The following DLGAP1 variants were observed in gnomAD, a reference collection of about 807,000 sequenced individuals.
The protein encoded by DLGAP1 is disks large-associated protein 1.
A neutral mutation model predicts 90.8 loss-of-function variants in DLGAP1; 11 were observed. The observed-to-expected ratio is 0.12, with a 90% CI of 0.08 to 0.20. The LOEUF (loss-of-function observed/expected upper bound fraction) is 0.20. Among genes scored for constraint, DLGAP1 ranks in the 10% least tolerant of loss-of-function variants. The probability of loss-of-function intolerance (pLI) is 1.00; values close to 1 mark genes in which losing one functional copy is unlikely to be tolerated. For missense variants in DLGAP1, 1,050 were observed against 1,333.8 expected (o/e 0.79, Z 3.31); for synonymous variants, 558 against 540.7 (o/e 1.03, Z -0.44).
At chr18:3,898,049 C>A (rs1321527097) in intron 3 of DLGAP1, among the ~76,000 whole-genome samples, 1 of 152,146 alleles carries the variant, frequency 6.6e-6, no homozygotes, top group East Asian at 1.9e-4. Flanking sequence ...CCGCCTTGGC[C>A]TCCCAAAGTG....
At chr18:3,878,292 G>A (rs906645390) in intron 4 of DLGAP1, 1 of 152,064 alleles carries the variant, frequency 6.6e-6, no homozygotes, top group Non-Finnish European at 1.5e-5. Flanking sequence ...CAGCAAGGAG[G>A]TAGGGAAGAA....
intron 4 of DLGAP1, among the ~76,000 whole-genome samples, chr18:3,815,384 T>G (rs1043797085): frequency 4.1e-5 from 3 of 72,386 alleles, no homozygotes; most frequent in Non-Finnish European, 8.5e-5. Flanking sequence ...ATTTTCTTGC[T>G]TTTATTTTTT....
intron 1 of DLGAP1, among the ~76,000 whole-genome samples, chr18:4,418,931 C>T (rs2082966658): frequency 6.6e-6 from 1 of 151,756 alleles, no homozygotes; most frequent in Non-Finnish European, 1.5e-5. Context: ...CCAGGTATAT[C>T]ATATTCAAAC....
chr18:3,912,902 G>A lies in DLGAP1; in HGVS notation c.-72-32762C>T, dbSNP rs569203140. Reference sequence around the variant, plus strand: ...TGGGTGTGGTGGGAAGCCAAGCTGGGGGAACTCTGTGTTTCCTGCTCCATC... The same window carrying A: ...TGGGTGTGGTGGGAAGCCAAGCTGGAGGAACTCTGTGTTTCCTGCTCCATC... On this transcript the variant is annotated intron_variant, in intron 3 of 12. Coordinates refer to ENST00000315677, the MANE Select transcript of DLGAP1 (RefSeq NM_004746.4). Among the ~76,000 whole-genome samples the A allele has an allele frequency of 3.6e-3, 547 of 152,152 alleles. 7 individuals carry two copies. The highest frequency in any genetic ancestry group is 0.033 in the Admixed American group (497 of 15,282).
At chr18:3,818,536 T>G (rs1287493823) in intron 4 of DLGAP1, among the ~76,000 whole-genome samples, 1 of 151,838 alleles carries the variant, frequency 6.6e-6, no homozygotes, top group African/African-American at 2.4e-5. Context: ...CTTTTTGTAT[T>G]GCTAGTAGAG....
At chr18:3,782,899 A>T (rs898188138) in intron 5 of DLGAP1, among the ~76,000 whole-genome samples, 8 of 152,212 alleles carry the variant, frequency 5.3e-5, no homozygotes, top group Non-Finnish European at 1.0e-4. Context: ...TTTGCAAACC[A>T]TATCTCTGAT....
At position 4,223,412 on chromosome 18, in the gene DLGAP1, C is replaced by T. The variant is rs117615230; in HGVS notation, c.-266-72125G>A. ...CCTTGTATTTCAGTGTGTTAGTCTA[C>T]AATTATGTACCAAAATAGTTGCAGC... On this transcript the variant is annotated intron_variant, in intron 1 of 12. Transcript: ENST00000315677. 5.9e-3 allele frequency among the ~76,000 whole-genome samples: 893 copies of T among 152,218 alleles called. 17 individuals carry two copies. Among genetic ancestry groups the T allele is most frequent in the East Asian group, 0.043 (220 of 5,172 alleles).
chr18:3,568,776 T>G (rs982513096), intron 8 of DLGAP1, among the ~76,000 whole-genome samples: 19 of 151,910 alleles, frequency 1.3e-4, no homozygotes, highest in African/African-American at 4.6e-4. Flanking sequence ...AAGCTCCGCC[T>G]CCCAGGTTCA....
intron 5 of DLGAP1, among the ~76,000 whole-genome samples, chr18:3,790,034 A>C (rs190004399): frequency 2.6e-5 from 4 of 152,282 alleles, no homozygotes; most frequent in Admixed American, 2.6e-4. Context: ...TTCAAATATC[A>C]ACTAGGTACA....
chr18:4,089,841 C>G (rs569902825), intron 2 of DLGAP1, among the ~76,000 whole-genome samples: 11 of 152,214 alleles, frequency 7.2e-5, no homozygotes, highest in South Asian at 4.1e-4. Flanking sequence ...GTCAGGAGAT[C>G]GAGACCATCC....
At chr18:3,599,976 G>C (rs2056807162) in intron 7 of DLGAP1, among the ~76,000 whole-genome samples, 1 of 151,366 alleles carries the variant, frequency 6.6e-6, no homozygotes, top group Non-Finnish European at 1.5e-5. Context: ...CTGGAGTGCA[G>C]TGGTGTGATC....
intron 1 of DLGAP1, among the ~76,000 whole-genome samples, chr18:4,193,073 C>T (rs2077431132): frequency 6.6e-6 from 1 of 152,176 alleles, no homozygotes; most frequent in Admixed American, 6.5e-5. Context: ...AGGCTACTGC[C>T]TGCATTGATG....
At chr18:4,233,642 C>A (rs1015362117) in intron 1 of DLGAP1, among the ~76,000 whole-genome samples, 9 of 152,046 alleles carry the variant, frequency 5.9e-5, no homozygotes, top group Non-Finnish European at 1.3e-4. Flanking sequence ...TTAAGTTTGG[C>A]CAACACTCAA....
intron 1 of DLGAP1, among the ~76,000 whole-genome samples, chr18:4,257,511 C>G (rs2078913061): frequency 6.6e-6 from 1 of 152,222 alleles, no homozygotes; most frequent in African/African-American, 2.4e-5. Context: ...TTATTCATCA[C>G]AGAAAGTTAT....
At chr18:4,157,623 T>C (rs765677035) in intron 1 of DLGAP1, among the ~76,000 whole-genome samples, 8 of 152,136 alleles carry the variant, frequency 5.3e-5, no homozygotes, top group Non-Finnish European at 1.2e-4. Context: ...GAACCAGTGT[T>C]TTGTGGGCAA....
At chr18:4,154,062 T>C (rs1568424183) in intron 1 of DLGAP1, among the ~76,000 whole-genome samples, 1 of 152,112 alleles carries the variant, frequency 6.6e-6, no homozygotes, top group South Asian at 2.1e-4. Flanking sequence ...CATGGGCTCA[T>C]GTATCCGTAA....
chr18:4,001,765 G>A (rs1032032224), intron 3 of DLGAP1, among the ~76,000 whole-genome samples: 2 of 152,022 alleles, frequency 1.3e-5, no homozygotes, highest in Admixed American at 6.6e-5. Context: ...GCTATTAAGG[G>A]TCCCTTTAGG....
intron 2 of DLGAP1, among the ~76,000 whole-genome samples, chr18:4,042,680 C>G (rs1568366024): frequency 6.6e-6 from 1 of 152,118 alleles, no homozygotes; most frequent in Non-Finnish European, 1.5e-5. Flanking sequence ...GCGAAGGTTG[C>G]AATAAGCCGA....
intron 1 of DLGAP1, among the ~76,000 whole-genome samples, chr18:4,192,157 G>C (rs1205485697): frequency 1.3e-5 from 2 of 152,120 alleles, no homozygotes; most frequent in Non-Finnish European, 2.9e-5. Flanking sequence ...CATTTCTCAA[G>C]GGTAAGGGAG....
Sources: gnomAD v4.1 joint callset for allele counts (sites outside exome capture counted in the v4.1 genomes callset) on GRCh38, gnomAD v4.1.1 for gene constraint, MANE v1.5 for transcripts, NCBI Gene and HGNC (gene_info 2026-07-23, HGNC 2026-07-21) for gene names.